Variants in TRPM8 observed in about 807,000 individuals in gnomAD.
TRPM8 encodes the protein TRPM8 cationic channel.
In TRPM8, 110 loss-of-function variants were observed where a neutral mutation model predicts 133.7. That is an observed-to-expected ratio of 0.82 (90% CI 0.70 to 0.96). TRPM8 has a LOEUF of 0.96. TRPM8 is among the 40% of genes least tolerant of loss of function. The probability of loss-of-function intolerance (pLI) is 0.00; values close to 1 mark genes in which losing one functional copy is unlikely to be tolerated. For synonymous variants in TRPM8, 535 were observed against 532.3 expected (o/e 1.01, Z -0.07); for missense variants, 1,291 against 1,379.5 (o/e 0.94, Z 1.02).
chr2:233,987,878 T>C (rs1254925261), intron 21 of TRPM8, among the ~76,000 whole-genome samples: 1 of 152,198 alleles, frequency 6.6e-6, no homozygotes, highest in South Asian at 2.1e-4. Flanking sequence ...GTTTGCCTGC[T>C]GCCATCCACG....
chr2:233,944,171 G>A (rs1690985743), intron 6 of TRPM8, among the ~76,000 whole-genome samples: 1 of 152,134 alleles, frequency 6.6e-6, no homozygotes, highest in African/African-American at 2.4e-5. Context: ...GTGAATGGTA[G>A]CTTCTATTAT....
rs538832174 is a variant in TRPM8 at position 233,947,613 on chromosome 2, A to T, written c.942+458A>T. On this transcript the variant is annotated intron_variant, in intron 8 of 25. Coordinates refer to ENST00000324695, the MANE Select transcript of TRPM8 (RefSeq NM_024080.5). ...TTGCATGATGGAATTCCAAACCCTA[A>T]GTGATTCTGAGATCATGGAAACTTC... 2.3e-6 allele frequency: 3 copies of T among 1,289,706 alleles called. No homozygotes were observed. In the African/African-American group the frequency reaches 4.5e-5, roughly 20 times the overall value. The allele number at this position is 1,289,706 out of a possible 1,614,324, so 79.9% of individuals were successfully genotyped here.
At chr2:233,955,036 C>T in intron 10 of TRPM8, 96 bp from the exon 11 acceptor site, 1 of 824,472 alleles carries the variant, frequency 1.2e-6, no homozygotes, top group South Asian at 1.6e-5. Flanking sequence ...TCAGCATTAC[C>T]TGTGATAAAC....
In TRPM8 at chr2:233,961,072, T is replaced by A; in HGVS notation, c.1653+6T>A. Reference sequence around the variant, plus strand: ...AGATGGACATAGAACTCCACGTAGGTACTGGGAGAGTTGCCTGCTTGAGTT... The same window carrying A: ...AGATGGACATAGAACTCCACGTAGGAACTGGGAGAGTTGCCTGCTTGAGTT... On this transcript the variant is annotated splice_donor_region_variant and intron_variant, in intron 12 of 25. Transcript: ENST00000324695. 6.2e-7 allele frequency: 1 copy of A among 1,609,560 alleles called. No homozygotes were observed. Among genetic ancestry groups the A allele is most frequent in the Non-Finnish European group, 8.5e-7 (1 of 1,177,194 alleles).
intron 20 of TRPM8, among the ~76,000 whole-genome samples, chr2:233,983,546 G>A (rs1444555214): frequency 3.9e-5 from 6 of 152,164 alleles, no homozygotes; most frequent in South Asian, 2.1e-4. Context: ...TGTACTCATC[G>A]ATGTAACAGA....
intron 20 of TRPM8, 98 bp downstream of exon 20, chr2:233,983,322 C>T (rs762781725): frequency 1.4e-5 from 20 of 1,393,604 alleles, no homozygotes; most frequent in South Asian, 5.9e-5. Flanking sequence ...TTCAGAAGCA[C>T]GCGCGTGAAA....
At chr2:233,971,713 G>C (rs948158915) in intron 17 of TRPM8, among the ~76,000 whole-genome samples, 3 of 152,078 alleles carry the variant, frequency 2.0e-5, no homozygotes, top group Non-Finnish European at 2.9e-5. Context: ...TGGTCTCGCT[G>C]GCTCAGGAGT....
intron 11 of TRPM8, among the ~76,000 whole-genome samples, chr2:233,956,445 C>T (rs994941602): frequency 6.6e-6 from 1 of 152,156 alleles, no homozygotes; most frequent in Admixed American, 6.5e-5. Context: ...GCCCTAGGAG[C>T]CTTGTTCAAT....
chr2:233,979,459 C>G (rs1451430017), intron 17 of TRPM8, among the ~76,000 whole-genome samples: 1 of 152,208 alleles, frequency 6.6e-6, no homozygotes, highest in Admixed American at 6.5e-5. Flanking sequence ...TAGCTGGTCA[C>G]TCTGGAATTA....
At chr2:233,917,610 G>A (rs11563221) in intron 1 of TRPM8, among the ~76,000 whole-genome samples, 178 bp downstream of exon 1, 5,622 of 152,196 alleles carry the variant, frequency 0.037, 349 homozygotes, top group African/African-American at 0.13. Flanking sequence ...AAGCAAATGC[G>A]GGTTCACAGA....
chr2:234,012,115 A>G (rs1692853859), intron 24 of TRPM8, among the ~76,000 whole-genome samples: 1 of 150,494 alleles, frequency 6.6e-6, no homozygotes, highest in African/African-American at 2.4e-5. Flanking sequence ...TTGACTTTGT[A>G]TCCTGCAAAT....
At chr2:233,996,575 A>G in intron 22 of TRPM8, 59 bp downstream of exon 22, 1 of 1,461,722 alleles carries the variant, frequency 6.8e-7, no homozygotes, top group East Asian at 2.3e-5. Flanking sequence ...TCAGGGAAGG[A>G]TGCCTGGTGT....
Position 234,006,938 on chromosome 2 carries a change from C to A in TRPM8, c.3216C>A (p.Asn1072Lys), listed in dbSNP as rs778773532. 1.9e-6 allele frequency: 3 copies of A among 1,613,316 alleles called. No homozygotes were observed. The change falls in exon 23 of 26, where the codon AAC (asparagine) becomes AAA (lysine). Residue 1072 changes from asparagine to lysine, a missense_variant. Coordinates refer to ENST00000324695, the MANE Select transcript of TRPM8 (RefSeq NM_024080.5). ...TTGTCAAGATCAACACAAAAGCCAA[C>A]GACACCTCAGAGGAGTATGTCAGAC... ...NYLVKINTKA[N>K]DTSEEMRHRF...
chr2:233,988,474 G>A (rs1001264833), intron 21 of TRPM8, among the ~76,000 whole-genome samples: 2 of 151,928 alleles, frequency 1.3e-5, no homozygotes, highest in African/African-American at 4.8e-5. Context: ...TCACTTTGTG[G>A]GTTTATTCAA....
intron 25 of TRPM8, among the ~76,000 whole-genome samples, chr2:234,015,310 C>T (rs11563201): frequency 0.15 from 22,795 of 151,102 alleles, 1,945 homozygotes; most frequent in Admixed American, 0.22. Flanking sequence ...TTTATGGACA[C>T]GTCGAGTTAG....
In TRPM8 at chr2:233,989,411, C is replaced by T. The variant is rs1692221501; in HGVS notation, c.2939+3546C>T. Among the ~76,000 whole-genome samples the T allele has an allele frequency of 6.6e-6, 1 of 152,240 alleles. No homozygotes were observed. The highest frequency in any genetic ancestry group is 2.4e-5 in the African/African-American group (1 of 41,464). On this transcript the variant is annotated intron_variant, in intron 21 of 25. Transcript: ENST00000324695. The surrounding 1 kb of genome is among the most constrained non-coding windows in gnomAD (Gnocchi z 4.2). ...AGTGCTTAAGTGTGACAGCTTGCAA[C>T]ATCCCTGTCCTTGGGGAACCTCCTC... is the stretch of plus-strand genomic sequence containing the variant.
chr2:234,014,646 T>C lies in TRPM8; in HGVS notation c.*34T>C. 8.2e-7 allele frequency: 1 copy of C among 1,226,590 alleles called. No homozygotes were observed. The highest frequency in any genetic ancestry group is 1.1e-6 in the Non-Finnish European group (1 of 876,702). The allele number at this position is 1,226,590 out of a possible 1,614,324, so 76.0% of individuals were successfully genotyped here. A position where few individuals can be genotyped will look rare whatever the true frequency, so the allele number is the denominator to read the frequency against. ...GAACTCTAATGGAGAAAAATCTAAT[T>C]ATAGCAAGGTGAGTCATTCTAATAG... On this transcript the variant is annotated 3_prime_UTR_variant, in exon 25 of 26. Coordinates refer to ENST00000324695, the MANE Select transcript of TRPM8 (RefSeq NM_024080.5).
chr2:233,980,302 C>A, intron 18 of TRPM8, 23 bp downstream of exon 18: 1 of 1,529,630 alleles, frequency 6.5e-7, no homozygotes, highest in Non-Finnish European at 8.9e-7. Flanking sequence ...ATCACTTTTC[C>A]TAATTTTCTG....
chr2:234,011,942 C>A (rs1309304325), intron 24 of TRPM8, among the ~76,000 whole-genome samples: 1 of 142,950 alleles, frequency 7.0e-6, no homozygotes, highest in African/African-American at 2.6e-5. Context: ...AAAAGATTTC[C>A]TTTATCAATG....
Sources: gnomAD v4.1 joint callset for allele counts (sites outside exome capture counted in the v4.1 genomes callset) on GRCh38, gnomAD v4.1.1 for gene constraint, Gnocchi (gnomAD v3.1) non-coding constraint, MANE v1.5 for transcripts, NCBI Gene and HGNC (gene_info 2026-07-23, HGNC 2026-07-21) for gene names.